RABIF: variants seen among roughly 807,000 people sequenced by gnomAD.
RABIF encodes the protein guanine nucleotide exchange factor MSS4.
A neutral mutation model predicts 12.3 loss-of-function variants in RABIF; 13 were observed. That is an observed-to-expected ratio of 1.06 (90% CI 0.69 to 1.68). The LOEUF (loss-of-function observed/expected upper bound fraction) is 1.68. RABIF is among the 40% of genes most tolerant of loss of function. The probability of loss-of-function intolerance (pLI) is 0.00; values close to 1 mark genes in which losing one functional copy is unlikely to be tolerated. For missense variants in RABIF, 153 were observed against 158.0 expected (o/e 0.97, Z 0.17); for synonymous variants, 70 against 63.3 (o/e 1.11, Z -0.50).
intron 1 of RABIF, among the ~76,000 whole-genome samples, chr1:202,882,754 T>A (rs1659510853): frequency 6.6e-6 from 1 of 152,094 alleles, no homozygotes; most frequent in Non-Finnish European, 1.5e-5. Flanking sequence ...CTACCTCAAC[T>A]AGAATATCAG....
Position 202,880,102 on chromosome 1 carries a change from T to C in RABIF, c.*876A>G, listed in dbSNP as rs1354282041. The C allele has an allele frequency of 1.3e-5, 2 of 152,236 alleles. No homozygotes were observed. Among genetic ancestry groups the C allele is most frequent in the Admixed American group, 1.3e-4 (2 of 15,286 alleles). The allele number at this position is 152,236 out of a possible 1,614,324, so 9.4% of individuals were successfully genotyped here. On this transcript the variant is annotated 3_prime_UTR_variant, in exon 2 of 2. Transcript: ENST00000367262. The stretch of plus-strand genomic sequence containing the variant: ...CTATCCATTAAAGAAGTCTTGCCTA[T>C]GAACAAAAGAAGAAAGTTACTTGTC...
At chr1:202,882,017 C>T (rs1659498098) in intron 1 of RABIF, among the ~76,000 whole-genome samples, 1 of 152,220 alleles carries the variant, frequency 6.6e-6, no homozygotes, top group Admixed American at 6.5e-5. Flanking sequence ...ATATGAACTG[C>T]ACATATTTTA....
intron 1 of RABIF, among the ~76,000 whole-genome samples, chr1:202,885,903 T>A (rs1048821459): frequency 7.2e-5 from 11 of 151,924 alleles, no homozygotes; most frequent in Non-Finnish European, 1.2e-4. Context: ...CTTCCAACAG[T>A]TCTTTCTCAA....
Position 202,889,105 on chromosome 1 carries a change from T to C in RABIF, c.-7A>G. Reference sequence around the variant, plus strand: ...GCTGCTCCGCTGGTTCCATCGCCGCTGCCGCCACAGGCTCCTCAGCCACGG... The same window carrying C: ...GCTGCTCCGCTGGTTCCATCGCCGCCGCCGCCACAGGCTCCTCAGCCACGG... On this transcript the variant is annotated 5_prime_UTR_variant, in exon 1 of 2. Transcript: ENST00000367262. 1 of 1,600,624 alleles carries C rather than the reference T, an allele frequency of 6.2e-7. No individual in the cohort carries two copies. The highest frequency in any genetic ancestry group is 8.5e-7 in the Non-Finnish European group (1 of 1,174,000).
intron 1 of RABIF, among the ~76,000 whole-genome samples, chr1:202,882,401 A>C (rs1016835358): frequency 3.9e-5 from 6 of 151,990 alleles, no homozygotes; most frequent in Admixed American, 2.0e-4. Context: ...ACAACAACAA[A>C]AAAAATTAGC....
intron 1 of RABIF, among the ~76,000 whole-genome samples, chr1:202,885,086 C>CAAAAAAAAAAAAAAAAAA (rs113531957): frequency 5.8e-5 from 7 of 120,656 alleles, no homozygotes; most frequent in Non-Finnish European, 8.5e-5. Flanking sequence ...GACTCTATCT[C>CAAAAAAAAAAAAAAAAAA]AAAAAAAAAA....
intron 1 of RABIF, among the ~76,000 whole-genome samples, chr1:202,882,105 C>T (rs1263806315): frequency 6.6e-5 from 10 of 152,148 alleles, no homozygotes; most frequent in African/African-American, 2.4e-5. Context: ...CAGGGCTAGG[C>T]GTGGTGGTAC....
At chr1:202,884,624 G>A (rs1263942963) in intron 1 of RABIF, among the ~76,000 whole-genome samples, 7 of 152,132 alleles carry the variant, frequency 4.6e-5, no homozygotes, top group Admixed American at 2.0e-4. Flanking sequence ...GTCCATGTAC[G>A]GACGGAGGTG....
chr1:202,881,559 G>A lies in RABIF; in HGVS notation c.127-336C>T, dbSNP rs1191078345. On this transcript the variant is annotated intron_variant, in intron 1 of 1. Transcript: ENST00000367262. Reference sequence around the variant, plus strand: ...TGGGACTACAGGTGCCCGCCACCACGCCTGGCTAATTTTTTGTATTTTTTT... The same window carrying A: ...TGGGACTACAGGTGCCCGCCACCACACCTGGCTAATTTTTTGTATTTTTTT... 5.9e-5 allele frequency among the ~76,000 whole-genome samples: 9 copies of A among 152,078 alleles called. No homozygotes were observed. The South Asian group carries it at 1.2e-3, about 21-fold the overall frequency.
In RABIF at chr1:202,878,602, G is replaced by A. The variant is rs182422756; in HGVS notation, c.*2376C>T. On this transcript the variant is annotated 3_prime_UTR_variant, in exon 2 of 2. Coordinates refer to ENST00000367262, the MANE Select transcript of RABIF (RefSeq NM_002871.5). ...ACAACATGGTGACAATTTGTGAAAT[G>A]TCAGTACACCACTGCCCATCTTTGA... 9.6e-4 allele frequency among the ~76,000 whole-genome samples: 147 copies of A among 152,338 alleles called. 1 individual carries two copies. The highest frequency in any genetic ancestry group is 3.2e-3 in the African/African-American group (134 of 41,570).
intron 1 of RABIF, among the ~76,000 whole-genome samples, chr1:202,884,424 G>C (rs6699454): frequency 0.78 from 118,217 of 151,956 alleles, 47,350 homozygotes; most frequent in East Asian, 0.89. Context: ...GGAGTCCATA[G>C]CCCTCTCCTT....
At chr1:202,886,737 T>C (rs1257227398) in intron 1 of RABIF, among the ~76,000 whole-genome samples, 1 of 58,784 alleles carries the variant, frequency 1.7e-5, no homozygotes, top group African/African-American at 4.0e-5. Context: ...TATGTTTTTT[T>C]CTTTTTTCTT....
chr1:202,886,233 C>CA (rs1553234068), intron 1 of RABIF, among the ~76,000 whole-genome samples: 5 of 131,030 alleles, frequency 3.8e-5, no homozygotes, highest in Non-Finnish European at 8.0e-5. Context: ...CAACGGGGAA[C>CA]GGGAACGGGG....
At chr1:202,884,466 G>A (rs1479928166) in intron 1 of RABIF, among the ~76,000 whole-genome samples, 2 of 152,068 alleles carry the variant, frequency 1.3e-5, no homozygotes, top group African/African-American at 4.8e-5. Flanking sequence ...ATTGCTTGAC[G>A]AATATATGCA....
chr1:202,880,027 T>C lies in RABIF; in HGVS notation c.*951A>G, dbSNP rs1032682436. 5.3e-5 allele frequency: 8 copies of C among 152,214 alleles called. No individual in the cohort carries two copies. Among genetic ancestry groups the C allele is most frequent in the African/African-American group, 1.9e-4 (8 of 41,450 alleles). 9.4% of individuals were successfully genotyped at this position (152,214 alleles called of 1,614,324 possible). A position where few individuals can be genotyped will look rare whatever the true frequency, so the allele number is the denominator to read the frequency against. ...TCCTGGGTTGGCACAGAGATTCCAG[T>C]TGAACCAAAACTCCATGAGGACCAT... On this transcript the variant is annotated 3_prime_UTR_variant, in exon 2 of 2. Transcript: ENST00000367262.
At position 202,880,629 on chromosome 1, in the gene RABIF, T is replaced by A. The variant is rs770253084; in HGVS notation, c.*349A>T. 2.2e-6 allele frequency: 2 copies of A among 916,084 alleles called. No individual in the cohort carries two copies. Among genetic ancestry groups the A allele is most frequent in the Non-Finnish European group, 2.7e-6 (2 of 753,608 alleles). The allele number at this position is 916,084 out of a possible 1,614,324, so 56.7% of individuals were successfully genotyped here. ...GTTATGTGTCATCATAGCTAAAAGGTTGAATACTGCTCTTCTAGAGCAAGA... is the reference window on the plus strand; with the variant it reads ...GTTATGTGTCATCATAGCTAAAAGGATGAATACTGCTCTTCTAGAGCAAGA... On this transcript the variant is annotated 3_prime_UTR_variant, in exon 2 of 2. Coordinates refer to ENST00000367262, the MANE Select transcript of RABIF (RefSeq NM_002871.5).
chr1:202,886,738 CTTTTTTCTTTTTTT>C (rs1258887325), intron 1 of RABIF, among the ~76,000 whole-genome samples: 1 of 58,188 alleles, frequency 1.7e-5, no homozygotes, highest in Non-Finnish European at 4.8e-5. Context: ...ATGTTTTTTT[CTTTTTTCTTTTTTT>C]TTTTTTTTGA....
chr1:202,885,184 T>A (rs1462671300), intron 1 of RABIF, among the ~76,000 whole-genome samples: 2 of 150,422 alleles, frequency 1.3e-5, no homozygotes, highest in Non-Finnish European at 2.9e-5. Flanking sequence ...CACACCTCCC[T>A]CATTCTGACA....
intron 1 of RABIF, among the ~76,000 whole-genome samples, chr1:202,882,009 ATGAACTGCACATATT>A (rs1445152243): frequency 6.6e-6 from 1 of 152,240 alleles, no homozygotes; most frequent in Non-Finnish European, 1.5e-5. Context: ...TAATTGACAT[ATGAACTGCACATATT>A]TTAAATGCAC....
Sources: gnomAD v4.1 joint callset for allele counts (sites outside exome capture counted in the v4.1 genomes callset) on GRCh38, gnomAD v4.1.1 for gene constraint, MANE v1.5 for transcripts, NCBI Gene and HGNC (gene_info 2026-07-23, HGNC 2026-07-21) for gene names.